The following FIP1L1 variants were observed in gnomAD, a reference collection of about 807,000 sequenced individuals.
FIP1L1 encodes factor interacting with PAPOLA and CPSF1, also known as pre-mRNA 3'-end-processing factor FIP1.
FIP1L1 carries 21 observed loss-of-function variants against 84.6 expected under a neutral mutation model. The ratio of observed to expected loss-of-function variants is 0.25; its 90% CI spans 0.18 to 0.36. The LOEUF is 0.36. Among genes scored for constraint, FIP1L1 ranks in the 10% least tolerant of loss-of-function variants. The probability of loss-of-function intolerance (pLI) is 1.00; values close to 1 mark genes in which losing one functional copy is unlikely to be tolerated. For synonymous variants in FIP1L1, 263 were observed against 242.3 expected (o/e 1.09, Z -0.80); for missense variants, 526 against 751.1 (o/e 0.70, Z 3.50).
chr4:53,388,480 G>A (rs1183194499), intron 5 of FIP1L1, among the ~76,000 whole-genome samples: 5 of 151,914 alleles, frequency 3.3e-5, no homozygotes, highest in South Asian at 2.1e-4. Context: ...GATTACAGGC[G>A]CCCACCCCCA....
chr4:53,455,606 G>T (rs1330550865), intron 16 of FIP1L1, among the ~76,000 whole-genome samples: 1 of 151,938 alleles, frequency 6.6e-6, no homozygotes, highest in African/African-American at 2.4e-5. Context: ...GCGGCTTATG[G>T]TACCCCTAAA....
At position 53,428,019 on chromosome 4, in the gene FIP1L1, A is replaced by G. The variant is rs1222480176; in HGVS notation, c.1018-8A>G. The G allele has an allele frequency of 1.3e-6, 2 of 1,596,962 alleles. No homozygotes were observed. The highest frequency in any genetic ancestry group is 3.4e-5 in the Admixed American group (2 of 59,390). On this transcript the variant is annotated splice_polypyrimidine_tract_variant and splice_region_variant and intron_variant, in intron 12 of 17. Coordinates refer to ENST00000337488, the MANE Select transcript of FIP1L1 (RefSeq NM_030917.4). ...GCATCTGTTTAATTAACTGTGCTCT[A>G]ATTTTAGGTCCTTTCTGAAAGATCT...
At chr4:53,446,057 C>T (rs1460934055) in intron 15 of FIP1L1, among the ~76,000 whole-genome samples, 1 of 152,138 alleles carries the variant, frequency 6.6e-6, no homozygotes, top group African/African-American at 2.4e-5. Context: ...ACCAGTCATA[C>T]ACTTCTAGGT....
chr4:53,430,098 A>G lies in FIP1L1; in HGVS notation c.1174+1915A>G, dbSNP rs1175080507. On this transcript the variant is annotated intron_variant, in intron 13 of 17. Coordinates refer to ENST00000337488, the MANE Select transcript of FIP1L1 (RefSeq NM_030917.4). ...CTCCAGGTTCATGCATGTTGTCACA[A>G]ATGACAGAATGAAAGGATTTCCTTA... 6.0e-4 allele frequency among the ~76,000 whole-genome samples: 92 copies of G among 152,292 alleles called. 3 individuals are homozygous for G. The highest frequency in any genetic ancestry group is 3.3e-4 in the Admixed American group (5 of 15,296).
intron 11 of FIP1L1, among the ~76,000 whole-genome samples, chr4:53,425,619 C>T (rs1764020301): frequency 6.6e-6 from 1 of 152,000 alleles, no homozygotes; most frequent in East Asian, 1.9e-4. Context: ...TGTAGAAGAG[C>T]TCTACAGAGA....
chr4:53,383,717 T>G, intron 4 of FIP1L1, 56 bp from the exon 5 acceptor site: 1 of 1,483,926 alleles, frequency 6.7e-7, no homozygotes. Context: ...GTTATTAGTA[T>G]TAGATGTTGA....
At chr4:53,431,488 TG>T (rs1248886135) in intron 13 of FIP1L1, among the ~76,000 whole-genome samples, 2 of 152,248 alleles carry the variant, frequency 1.3e-5, no homozygotes, top group Non-Finnish European at 2.9e-5. Context: ...TTAATTTAAA[TG>T]TATTTTAATG....
At chr4:53,420,122 C>T (rs1475755574) in intron 11 of FIP1L1, among the ~76,000 whole-genome samples, 7 of 132,348 alleles carry the variant, frequency 5.3e-5, no homozygotes, top group South Asian at 2.5e-4. Context: ...GGCGTGAACC[C>T]GGGAGGCGGA....
intron 13 of FIP1L1, among the ~76,000 whole-genome samples, chr4:53,430,667 G>A (rs1324165584): frequency 2.0e-5 from 3 of 152,086 alleles, no homozygotes; most frequent in Non-Finnish European, 4.4e-5. Context: ...TTGTTCATAA[G>A]TATAACAAAT....
At chr4:53,431,113 G>A (rs1425133030) in intron 13 of FIP1L1, among the ~76,000 whole-genome samples, 1 of 152,262 alleles carries the variant, frequency 6.6e-6, no homozygotes, top group East Asian at 1.9e-4. Flanking sequence ...TTGAGTTAAC[G>A]ACATATTTAT....
chr4:53,458,597 A>C, intron 16 of FIP1L1, 56 bp from the exon 17 acceptor site: 2 of 1,566,800 alleles, frequency 1.3e-6, no homozygotes, highest in East Asian at 4.5e-5. Context: ...TACAGTTTGA[A>C]TCCATTCAGA....
rs747315613 is a variant in FIP1L1 at position 53,460,358 on chromosome 4, A to AAAT, written c.*912_*914dup. On this transcript the variant is annotated 3_prime_UTR_variant, in exon 18 of 18. Coordinates refer to ENST00000337488, the MANE Select transcript of FIP1L1 (RefSeq NM_030917.4). ...GGAGGTATTCATCGGTGATGGTAAC[A>AAAT]AATAACATGGTATTTGAAAGAATAA... 3 of 176,140 alleles carry AAAT rather than the reference A, an allele frequency of 1.7e-5. No individual in the cohort carries two copies. The highest frequency in any genetic ancestry group is 1.3e-4 in the Admixed American group (2 of 15,484). The allele number at this position is 176,140 out of a possible 1,614,324, so 10.9% of individuals were successfully genotyped here.
intron 6 of FIP1L1, among the ~76,000 whole-genome samples, chr4:53,390,190 T>G (rs1467135600): frequency 2.0e-5 from 3 of 152,180 alleles, no homozygotes; most frequent in African/African-American, 7.2e-5. Context: ...TCTACCTGCC[T>G]TGGCCTCCCA....
chr4:53,425,362 A>G (rs543078041), intron 11 of FIP1L1, among the ~76,000 whole-genome samples: 5 of 152,248 alleles, frequency 3.3e-5, no homozygotes, highest in African/African-American at 1.2e-4. Flanking sequence ...GCAAGTTATC[A>G]GAAATGGCAA....
At chr4:53,408,978 G>A (rs1755478867) in intron 10 of FIP1L1, among the ~76,000 whole-genome samples, 1 of 152,158 alleles carries the variant, frequency 6.6e-6, no homozygotes, top group Non-Finnish European at 1.5e-5. Context: ...ATCGTCTGAA[G>A]CTTTCTTCTC....
At chr4:53,405,719 T>G (rs983853759) in intron 10 of FIP1L1, among the ~76,000 whole-genome samples, 3 of 149,264 alleles carry the variant, frequency 2.0e-5, no homozygotes, top group African/African-American at 7.5e-5. Context: ...GAAGAGGTCC[T>G]TCACATCCCT....
chr4:53,453,221 C>T, intron 16 of FIP1L1, 88 bp downstream of exon 16: 1 of 1,490,504 alleles, frequency 6.7e-7, no homozygotes, highest in Non-Finnish European at 9.2e-7. Flanking sequence ...TTTCAGTTCA[C>T]TTGGAAAAGA....
At chr4:53,396,467 G>A (rs1324932524) in intron 9 of FIP1L1, among the ~76,000 whole-genome samples, 2 of 151,820 alleles carry the variant, frequency 1.3e-5, no homozygotes, top group African/African-American at 2.4e-5. Flanking sequence ...GTTCAGTGGC[G>A]CGATCTTGGC....
intron 9 of FIP1L1, among the ~76,000 whole-genome samples, chr4:53,397,586 C>A (rs1338519170): frequency 6.6e-6 from 1 of 152,200 alleles, no homozygotes; most frequent in East Asian, 1.9e-4. Context: ...GTTGAAATCT[C>A]ATTTCTCTGC....
Sources: allele counts gnomAD v4.1 joint callset (sites outside exome capture counted in the v4.1 genomes callset), GRCh38; gene constraint gnomAD v4.1.1; transcripts MANE v1.5; gene names NCBI Gene and HGNC (gene_info 2026-07-23, HGNC 2026-07-21).